Variants in SGCE observed in about 807,000 individuals in gnomAD.
SGCE encodes the protein sarcoglycan epsilon, also known as epsilon-sarcoglycan.
SGCE carries 26 observed loss-of-function variants against 57.8 expected under a neutral mutation model. The observed-to-expected ratio is 0.45, with a 90% CI of 0.33 to 0.62. The LOEUF (loss-of-function observed/expected upper bound fraction) is 0.62, where lower values mean the gene tolerates loss of function less well. Ranked by LOEUF, SGCE falls within the 20% of genes least tolerant of loss-of-function variation. SGCE has a pLI of 0.02. For missense variants in SGCE, 468 were observed against 548.6 expected, an observed-to-expected ratio of 0.85 and a Z score of 1.47; for synonymous variants, 183 against 189.5, an observed-to-expected ratio of 0.97 and a Z score of 0.28.
At chr7:94,603,493 T>C in intron 5 of SGCE, 41 bp from the exon 6 acceptor site, 3 of 1,581,118 alleles carry the variant, frequency 1.9e-6, no homozygotes, top group African/African-American at 1.3e-5. Context: ...TTTAAGAAAA[T>C]TGAAAACACT....
chr7:94,655,878 AAGAG>A, intron 1 of SGCE, 108 bp downstream of exon 1: 1 of 705,898 alleles, frequency 1.4e-6, no homozygotes, highest in Non-Finnish European at 2.6e-6. Flanking sequence ...CCGGGACAGA[AAGAG>A]AGGCTGGTGC....
intron 7 of SGCE, chr7:94,600,375 C>T: frequency 2.5e-6 from 1 of 392,494 alleles, no homozygotes; most frequent in Non-Finnish European, 4.7e-6. Context: ...AAATATCTAG[C>T]CTCAATTATT....
In SGCE at chr7:94,585,228, G is replaced by C; in HGVS notation, c.*271C>G. The C allele has an allele frequency of 5.0e-6, 2 of 402,346 alleles. No homozygotes were observed. Among genetic ancestry groups the C allele is most frequent in the Non-Finnish European group, 8.9e-6 (2 of 224,628 alleles). 24.9% of individuals were successfully genotyped at this position (402,346 alleles called of 1,614,324 possible). A position where few individuals can be genotyped will look rare whatever the true frequency, so the allele number is the denominator to read the frequency against. On this transcript the variant is annotated 3_prime_UTR_variant, in exon 11 of 11. Coordinates refer to ENST00000648936, the MANE Select transcript of SGCE (RefSeq NM_003919.3). ...TGAAGTAAATTTCACCAGTCATTAG[G>C]CTTCATTAATAATATTTATTTTAAA...
chr7:94,623,759 G>C (rs941963177), intron 3 of SGCE: 1 of 390,830 alleles, frequency 2.6e-6, no homozygotes, highest in African/African-American at 2.1e-5. Context: ...AATAATTTTT[G>C]TACTTTTAAA....
chr7:94,635,991 A>G (rs1321222920), intron 1 of SGCE, among the ~76,000 whole-genome samples: 2 of 152,184 alleles, frequency 1.3e-5, no homozygotes, highest in African/African-American at 2.4e-5. Context: ...AGAAGGCATT[A>G]CAGTGTCTTT....
At chr7:94,601,800 A>G (rs1584538819) in intron 6 of SGCE, among the ~76,000 whole-genome samples, 1 of 152,194 alleles carries the variant, frequency 6.6e-6, no homozygotes, top group Non-Finnish European at 1.5e-5. Flanking sequence ...TGTCCTGCAC[A>G]TTGGCGGCTT....
intron 9 of SGCE, among the ~76,000 whole-genome samples, chr7:94,592,640 A>G (rs1013323105): frequency 2.0e-5 from 3 of 152,192 alleles, no homozygotes; most frequent in Non-Finnish European, 4.4e-5. Context: ...TGCAAGAGTA[A>G]TAACTTGCAA....
At position 94,588,703 on chromosome 7, in the gene SGCE, T is replaced by C. The variant is rs1366243114; in HGVS notation, c.1283A>G (p.Gln428Arg). ...TTAGCACTCACCTGTAGTCTGCTGTTGGGGAATCTGAGTCTGATGTGGCAA... is the reference window on the plus strand; with the variant it reads ...TTAGCACTCACCTGTAGTCTGCTGTCGGGGAATCTGAGTCTGATGTGGCAA... ...QNLPHQTQIP[Q>R]QQTTGKWYP Residue 428 changes from glutamine to arginine, a missense_variant, in exon 10 of 11, where the codon CAA becomes CGA. Transcript: ENST00000648936. 3 of 1,607,322 alleles carry C rather than the reference T, an allele frequency of 1.9e-6. No individual in the cohort carries two copies. The highest frequency in any genetic ancestry group is 3.3e-5 in the Admixed American group (2 of 60,004).
chr7:94,655,934 G>C (rs1362460496), intron 1 of SGCE, 56 bp downstream of exon 1: 3 of 1,141,518 alleles, frequency 2.6e-6, no homozygotes, highest in South Asian at 2.5e-5. Context: ...AGCGGGGGAG[G>C]GGGAGGCGGC....
intron 1 of SGCE, among the ~76,000 whole-genome samples, chr7:94,650,580 C>A (rs1480594219): frequency 6.6e-6 from 1 of 151,010 alleles, no homozygotes; most frequent in East Asian, 1.9e-4. Context: ...ACACATAGGG[C>A]TATTTAGACA....
At position 94,629,759 on chromosome 7, in the gene SGCE, T is replaced by G; in HGVS notation, c.192A>C (p.Arg64Ser). The change falls in exon 2 of 11, where the codon AGA (arginine) becomes AGC (serine). Residue 64 changes from arginine to serine, a missense_variant. Arg to Ser is a moderately radical substitution (Grantham distance 110). Transcript: ENST00000648936. ...AGVLFVHVLE[R>S]EYFKGEFPPY... ...GTGGAAATTCCCCCTTAAAATATTCTCTTTCCAAAACATGAACAAAGAGGA... is the reference window on the plus strand; with the variant it reads ...GTGGAAATTCCCCCTTAAAATATTCGCTTTCCAAAACATGAACAAAGAGGA... 6.2e-7 allele frequency: 1 copy of G among 1,611,456 alleles called. No homozygotes were observed. The highest frequency in any genetic ancestry group is 8.5e-7 in the Non-Finnish European group (1 of 1,178,040).
Position 94,585,282 on chromosome 7 carries a change from G to T in SGCE, c.*217C>A. The T allele has an allele frequency of 2.1e-6, 1 of 487,176 alleles. No homozygotes were observed. Among genetic ancestry groups the T allele is most frequent in the Non-Finnish European group, 3.7e-6 (1 of 272,822 alleles). The allele number at this position is 487,176 out of a possible 1,614,324, so 30.2% of individuals were successfully genotyped here. ...CAACTTTTATTGTAACAAATATAAA[G>T]TCATCAATGTTTTACAAATTGTCAA... On this transcript the variant is annotated 3_prime_UTR_variant, in exon 11 of 11. Coordinates refer to ENST00000648936, the MANE Select transcript of SGCE (RefSeq NM_003919.3).
intron 5 of SGCE, among the ~76,000 whole-genome samples, chr7:94,605,334 A>C (rs1320755573): frequency 6.6e-6 from 1 of 151,174 alleles, no homozygotes; most frequent in African/African-American, 2.4e-5. Context: ...TCAGATCTAC[A>C]TAAAGAAAAG....
intron 1 of SGCE, among the ~76,000 whole-genome samples, chr7:94,642,821 C>T (rs558829088): frequency 1.3e-5 from 2 of 152,336 alleles, no homozygotes; most frequent in Non-Finnish European, 2.9e-5. Flanking sequence ...TGACAAGCAA[C>T]ATTTAGATTT....
chr7:94,654,088 A>C (rs1808257226), intron 1 of SGCE, among the ~76,000 whole-genome samples: 1 of 152,114 alleles, frequency 6.6e-6, no homozygotes, highest in African/African-American at 2.4e-5. Context: ...TATAATGTTT[A>C]CTGGTGTTAT....
At chr7:94,617,564 T>C (rs537734506) in intron 5 of SGCE, 1 of 152,326 alleles carries the variant, frequency 6.6e-6, no homozygotes, top group South Asian at 2.1e-4. Flanking sequence ...AAGAGAACCA[T>C]GTTGTAACTG....
intron 5 of SGCE, among the ~76,000 whole-genome samples, chr7:94,613,510 A>G (rs1584607339): frequency 6.6e-6 from 1 of 152,326 alleles, no homozygotes; most frequent in East Asian, 1.9e-4. Flanking sequence ...TGGTACTTCA[A>G]AAGACTAGAG....
At chr7:94,605,193 A>G (rs1799929975) in intron 5 of SGCE, among the ~76,000 whole-genome samples, 1 of 152,126 alleles carries the variant, frequency 6.6e-6, no homozygotes, top group Non-Finnish European at 1.5e-5. Context: ...AGATGTTGAA[A>G]TTATCAGACC....
intron 1 of SGCE, among the ~76,000 whole-genome samples, chr7:94,634,520 T>G (rs932254921): frequency 6.6e-6 from 1 of 152,184 alleles, no homozygotes; most frequent in African/African-American, 2.4e-5. Flanking sequence ...ATCAGTATGT[T>G]TCCCATAGCA....
Sources: allele counts gnomAD v4.1 joint callset (sites outside exome capture counted in the v4.1 genomes callset), GRCh38; gene constraint gnomAD v4.1.1; transcripts MANE v1.5; gene names NCBI Gene and HGNC (gene_info 2026-07-23, HGNC 2026-07-21).